Variants in TG observed in about 807,000 individuals in gnomAD.
TG encodes the protein thyroglobulin.
TG carries 270 observed loss-of-function variants against 324.7 expected under a neutral mutation model. The observed-to-expected ratio is 0.83, with a 90% confidence interval of 0.75 to 0.92. The LOEUF (loss-of-function observed/expected upper bound fraction) is 0.92. TG is among the 40% of genes least tolerant of loss of function. The probability of loss-of-function intolerance (pLI) is 0.00; values close to 1 mark genes in which losing one functional copy is unlikely to be tolerated. For missense variants in TG, 3,591 were observed against 3,456.4 expected (o/e 1.04, Z -0.98); for synonymous variants, 1,401 against 1,327.0 (o/e 1.06, Z -1.21).
In TG at chr8:133,022,156, T is replaced by C; in HGVS notation, c.7036+6T>C. 6.2e-7 allele frequency: 1 copy of C among 1,613,948 alleles called. No homozygotes were observed. Reference sequence around the variant, plus strand: ...CTTCGGCTTCCTGAGTTCTGGTGAGTTGCTGCCTCTGGTGGGAGCTGCTGA... The same window carrying C: ...CTTCGGCTTCCTGAGTTCTGGTGAGCTGCTGCCTCTGGTGGGAGCTGCTGA... On this transcript the variant is annotated splice_donor_region_variant and intron_variant, in intron 40 of 47. Transcript: ENST00000220616.
chr8:133,083,688 T>C (rs1394212313), intron 41 of TG, among the ~76,000 whole-genome samples: 1 of 152,098 alleles, frequency 6.6e-6, no homozygotes, highest in Non-Finnish European at 1.5e-5. Flanking sequence ...CTATTTTTTT[T>C]CTGCATCTCT....
At chr8:132,895,342 A>G (rs1158566276) in intron 11 of TG, among the ~76,000 whole-genome samples, 1 of 152,218 alleles carries the variant, frequency 6.6e-6, no homozygotes, top group Non-Finnish European at 1.5e-5. Context: ...CTGCCTTCCC[A>G]TCCACGCCAG....
chr8:133,094,871 G>T, intron 41 of TG, 173 bp from the exon 42 acceptor site: 2 of 817,378 alleles, frequency 2.4e-6, no homozygotes, highest in Non-Finnish European at 4.1e-6. Context: ...ACTGCATGCT[G>T]ATATGCTGTT....
At chr8:133,078,571 C>T (rs1027082300) in intron 41 of TG, among the ~76,000 whole-genome samples, 2 of 152,222 alleles carry the variant, frequency 1.3e-5, no homozygotes, top group Non-Finnish European at 2.9e-5. Flanking sequence ...GTGCTCCATA[C>T]ATTCATTCAG....
At chr8:133,012,243 A>C (rs1834580358) in intron 36 of TG, among the ~76,000 whole-genome samples, 1 of 152,170 alleles carries the variant, frequency 6.6e-6, no homozygotes, top group African/African-American at 2.4e-5. Context: ...TGCCAGCCAG[A>C]AGATGAGGGA....
chr8:132,957,891 G>A (rs922174621), intron 27 of TG, among the ~76,000 whole-genome samples: 1 of 152,108 alleles, frequency 6.6e-6, no homozygotes, highest in Non-Finnish European at 1.5e-5. Context: ...CCCATCATCT[G>A]AACAGTGTCC....
chr8:133,043,974 C>A (rs1838810712), intron 41 of TG, among the ~76,000 whole-genome samples: 1 of 152,142 alleles, frequency 6.6e-6, no homozygotes, highest in African/African-American at 2.4e-5. Flanking sequence ...AATGGGAGCT[C>A]ACGATTATGG....
chr8:133,057,292 A>G lies in TG; in HGVS notation c.7239+27269A>G, dbSNP rs921256626. 3.3e-5 allele frequency among the ~76,000 whole-genome samples: 5 copies of G among 152,308 alleles called. No individual in the cohort carries two copies. In the South Asian group the frequency reaches 6.2e-4, roughly 19 times the overall value. On this transcript the variant is annotated intron_variant, in intron 41 of 47. Transcript: ENST00000220616. ...TGGAAATATGCCATTTCCTGACCAC[A>G]GCGGGACTTCCCTAGGTTGTATTAA...
intron 35 of TG, among the ~76,000 whole-genome samples, chr8:132,985,048 T>A (rs180776931): frequency 6.6e-6 from 1 of 152,338 alleles, no homozygotes; most frequent in Admixed American, 6.5e-5. Flanking sequence ...AACTACTTTT[T>A]TTCTCATCCT....
At chr8:133,109,920 C>G (rs1057502711) in intron 43 of TG, among the ~76,000 whole-genome samples, 2 of 152,120 alleles carry the variant, frequency 1.3e-5, no homozygotes, top group Non-Finnish European at 2.9e-5. Context: ...GGTATCTTGG[C>G]TAGGGCTCTC....
At chr8:133,046,212 A>G (rs1020145654) in intron 41 of TG, among the ~76,000 whole-genome samples, 1 of 152,218 alleles carries the variant, frequency 6.6e-6, no homozygotes, top group African/African-American at 2.4e-5. Context: ...CAGAGGAGAA[A>G]GGGAGCTGAT....
At chr8:132,981,791 A>T (rs1830886936) in intron 34 of TG, among the ~76,000 whole-genome samples, 1 of 152,148 alleles carries the variant, frequency 6.6e-6, no homozygotes, top group Non-Finnish European at 1.5e-5. Context: ...AAAGTTTGAG[A>T]TCTGGTGCCT....
chr8:133,068,831 C>A (rs867502787), intron 41 of TG, among the ~76,000 whole-genome samples: 1 of 152,244 alleles, frequency 6.6e-6, no homozygotes, highest in Non-Finnish European at 1.5e-5. Flanking sequence ...CACAGAGGCC[C>A]CCAACACAGG....
At chr8:133,129,558 C>A (rs996918361) in intron 45 of TG, among the ~76,000 whole-genome samples, 3 of 152,106 alleles carry the variant, frequency 2.0e-5, no homozygotes, top group African/African-American at 7.2e-5. Flanking sequence ...TGCAGTGGTA[C>A]AATCGTGGCT....
chr8:133,095,004 T>C (rs1351845884), intron 41 of TG, 40 bp from the exon 42 acceptor site: 4 of 1,612,056 alleles, frequency 2.5e-6, no homozygotes, highest in Non-Finnish European at 3.4e-6. Flanking sequence ...GGGCTGAAGA[T>C]GATCTGAACC....
chr8:132,898,031 C>G (rs533685909), intron 12 of TG, 138 bp from the exon 13 acceptor site: 1 of 952,948 alleles, frequency 1.0e-6, no homozygotes, highest in Non-Finnish European at 1.6e-6. Context: ...GGACAATGTC[C>G]GGCTGGGGGT....
intron 41 of TG, among the ~76,000 whole-genome samples, chr8:133,087,116 A>G (rs568639722): frequency 8.4e-6 from 1 of 118,354 alleles, no homozygotes; most frequent in African/African-American, 3.1e-5. Flanking sequence ...ACACACACAC[A>G]CACACACGGA....
intron 34 of TG, among the ~76,000 whole-genome samples, chr8:132,981,678 G>A (rs1410671128): frequency 3.3e-5 from 5 of 152,226 alleles, no homozygotes; most frequent in Non-Finnish European, 7.3e-5. Flanking sequence ...TGCTTGAAAT[G>A]TAGACCTCAG....
At chr8:132,894,019 TGTG>T in intron 11 of TG, 90 bp downstream of exon 11, 1 of 1,602,704 alleles carries the variant, frequency 6.2e-7, no homozygotes, top group Non-Finnish European at 8.5e-7. Flanking sequence ...CTTAGGACTT[TGTG>T]GTTTGGCTTC....
Sources: allele counts gnomAD v4.1 joint callset (sites outside exome capture counted in the v4.1 genomes callset), GRCh38; gene constraint gnomAD v4.1.1; transcripts MANE v1.5; gene names NCBI Gene and HGNC (gene_info 2026-07-23, HGNC 2026-07-21).